The following WDR33 variants were observed in gnomAD, a reference collection of about 807,000 sequenced individuals.
WDR33 encodes pre-mRNA 3' end processing protein WDR33.
Under a neutral mutation model 164.9 loss-of-function variants are expected in WDR33, and 47 were observed. That is an observed-to-expected ratio of 0.29 (90% CI 0.23 to 0.36). The LOEUF (loss-of-function observed/expected upper bound fraction) is 0.36, where lower values mean the gene tolerates loss of function less well. Among genes scored for constraint, WDR33 ranks in the 10% least tolerant of loss-of-function variants. The pLI is 1.00. For synonymous variants in WDR33, 505 were observed against 589.0 expected (o/e 0.86, Z 2.06); for missense variants, 1,137 against 1,754.1 (o/e 0.65, Z 6.28).
At chr2:127,754,291 A>C (rs140082375) in intron 7 of WDR33, among the ~76,000 whole-genome samples, 2 of 152,320 alleles carry the variant, frequency 1.3e-5, no homozygotes, top group Non-Finnish European at 2.9e-5. Flanking sequence ...CGTTAATATT[A>C]TCAAATCCGA....
chr2:127,793,435 A>G (rs918581051), intron 1 of WDR33, among the ~76,000 whole-genome samples: 9 of 150,364 alleles, frequency 6.0e-5, no homozygotes, highest in Non-Finnish European at 1.3e-4. Context: ...TGTCTCAAGG[A>G]AAAAAAACAA....
intron 7 of WDR33, among the ~76,000 whole-genome samples, chr2:127,743,656 G>A (rs1687089325): frequency 6.6e-6 from 1 of 152,170 alleles, no homozygotes; most frequent in Non-Finnish European, 1.5e-5. Context: ...CACATTGAGA[G>A]GCACAGATTT....
rs1002164789 is a variant in WDR33 at position 127,714,435 on chromosome 2, G to A, written c.2870-414C>T. The stretch of plus-strand genomic sequence containing the variant: ...AAATTAATGCTGCAGGCCAGGAAGC[G>A]TGCCAAGAATTCACCTCTGTACCCA... On this transcript the variant is annotated intron_variant, in intron 17 of 21. Coordinates refer to ENST00000322313, the MANE Select transcript of WDR33 (RefSeq NM_018383.5). The surrounding 1 kb of genome is among the most constrained non-coding windows in gnomAD (Gnocchi z 4.3). 6.6e-6 allele frequency among the ~76,000 whole-genome samples: 1 copy of A among 152,186 alleles called. No homozygotes were observed. The highest frequency in any genetic ancestry group is 1.5e-5 in the Non-Finnish European group (1 of 68,032).
At position 127,750,677 on chromosome 2, in the gene WDR33, AATATAT is replaced by A. The variant is rs1161071581; in HGVS notation, c.724+12379_724+12384del. Among the ~76,000 whole-genome samples, 198 of 35,720 alleles carry A rather than the reference AATATAT, an allele frequency of 5.5e-3. 2 individuals are homozygous for A. The highest frequency in any genetic ancestry group is 0.017 in the African/African-American group (110 of 6,570). The allele number at this position is 35,720 out of a possible 152,430, so 23.4% of individuals were successfully genotyped here. A position where few individuals can be genotyped will look rare whatever the true frequency, so the allele number is the denominator to read the frequency against. On this transcript the variant is annotated intron_variant, in intron 7 of 21. Transcript: ENST00000322313. The stretch of plus-strand genomic sequence containing the variant: ...AAAAAAAAAAAAAAAAAAAAAAAAA[AATATAT>A]ATATATATATATATATATATATATA...
At chr2:127,759,909 T>C (rs997691448) in intron 7 of WDR33, among the ~76,000 whole-genome samples, 3 of 152,036 alleles carry the variant, frequency 2.0e-5, no homozygotes, top group Non-Finnish European at 4.4e-5. Context: ...TTAAGAAGTA[T>C]AGTATCATGA....
intron 1 of WDR33, among the ~76,000 whole-genome samples, chr2:127,771,294 C>G (rs1687993773): frequency 6.6e-6 from 1 of 152,202 alleles, no homozygotes; most frequent in African/African-American, 2.4e-5. Context: ...GCCTAATGCT[C>G]TTAGGTTACA....
intron 7 of WDR33, chr2:127,737,205 C>G: frequency 1.0e-6 from 1 of 985,388 alleles, no homozygotes; most frequent in Non-Finnish European, 1.2e-6. Flanking sequence ...TTTTCAACCT[C>G]AATTCTGTTG....
At chr2:127,711,780 A>ATATATTTTTTTTTTTTTTTTTTTTTTTTT in intron 18 of WDR33, among the ~76,000 whole-genome samples, 1 of 88,320 alleles carries the variant, frequency 1.1e-5, no homozygotes, top group African/African-American at 6.5e-5. Context: ...ATATATATAT[A>ATATATTTTTTTTTTTTTTTTTTTTTTTTT]TTTTTTTTTT....
chr2:127,765,168 C>T lies in WDR33; in HGVS notation c.474+6G>A. Reference sequence around the variant, plus strand: ...GATGATGATACCATCTGGTGATTATCATTACCTGTAATATTGTTTCAAAAT... The same window carrying T: ...GATGATGATACCATCTGGTGATTATTATTACCTGTAATATTGTTTCAAAAT... On this transcript the variant is annotated splice_donor_region_variant and intron_variant, in intron 5 of 21. Coordinates refer to ENST00000322313, the MANE Select transcript of WDR33 (RefSeq NM_018383.5). The T allele has an allele frequency of 1.2e-6, 2 of 1,610,188 alleles. No individual in the cohort carries two copies. The highest frequency in any genetic ancestry group is 2.2e-5 in the South Asian group (2 of 90,782).
chr2:127,785,671 T>C (rs1200675320), intron 1 of WDR33, among the ~76,000 whole-genome samples: 1 of 152,212 alleles, frequency 6.6e-6, no homozygotes. Context: ...TTTTTACTAC[T>C]ATTACTTTTC....
chr2:127,790,598 A>G (rs1468971861), intron 1 of WDR33, among the ~76,000 whole-genome samples: 4 of 152,172 alleles, frequency 2.6e-5, no homozygotes, highest in Non-Finnish European at 5.9e-5. Context: ...CAATTCATTT[A>G]ACTATGAATT....
In WDR33 at chr2:127,709,618, G is replaced by A. The variant is rs747441897; in HGVS notation, c.3473-36C>T. The A allele has an allele frequency of 1.2e-6, 2 of 1,612,530 alleles. No homozygotes were observed. The highest frequency in any genetic ancestry group is 2.2e-5 in the East Asian group (1 of 44,830). ...GAGCAAACAATGCTGCACTCAGACTGTTCCTGGTGTATTCACAACCAGTGT... is the reference window on the plus strand; with the variant it reads ...GAGCAAACAATGCTGCACTCAGACTATTCCTGGTGTATTCACAACCAGTGT... On this transcript the variant is annotated intron_variant, in intron 19 of 21. Transcript: ENST00000322313. This position sits in a 1 kb window ranked among gnomAD's most constrained non-coding sequence, Gnocchi z 5.0.
chr2:127,768,005 T>C (rs2105440320), intron 4 of WDR33, among the ~76,000 whole-genome samples, 184 bp downstream of exon 4: 1 of 152,358 alleles, frequency 6.6e-6, no homozygotes, highest in Admixed American at 6.5e-5. Flanking sequence ...AAAAGTGGTA[T>C]CTCACTCAAT....
chr2:127,774,177 G>A (rs759113503), intron 1 of WDR33, among the ~76,000 whole-genome samples: 14 of 150,340 alleles, frequency 9.3e-5, no homozygotes, highest in Admixed American at 2.7e-4. Flanking sequence ...TCAGCCTCCC[G>A]AGTAGGTGGG....
chr2:127,788,426 AC>A (rs1200474118), intron 1 of WDR33, among the ~76,000 whole-genome samples: 31 of 94,292 alleles, frequency 3.3e-4, no homozygotes, highest in African/African-American at 9.6e-4. Flanking sequence ...CGGAGGGCTG[AC>A]CCCCCCCACC....
At chr2:127,780,756 G>T (rs1201748051) in intron 1 of WDR33, among the ~76,000 whole-genome samples, 1 of 152,294 alleles carries the variant, frequency 6.6e-6, no homozygotes, top group Middle Eastern at 3.4e-3. Flanking sequence ...AGGATCCCTT[G>T]AGCCCAGGAG....
Position 127,701,677 on chromosome 2 carries a change from G to A in WDR33, c.*4646C>T. The A allele has an allele frequency of 7.7e-7, 1 of 1,300,982 alleles. No homozygotes were observed. Among genetic ancestry groups the A allele is most frequent in the Non-Finnish European group, 9.7e-7 (1 of 1,030,228 alleles). 80.6% of individuals were successfully genotyped at this position (1,300,982 alleles called of 1,614,324 possible). On this transcript the variant is annotated 3_prime_UTR_variant, in exon 22 of 22. Transcript: ENST00000322313. Reference sequence around the variant, plus strand: ...GAGTGGCTGGGCCGCGCGGGCTTGCGCTGGACGTGGGCGCGGAGCCCTGCG... The same window carrying A: ...GAGTGGCTGGGCCGCGCGGGCTTGCACTGGACGTGGGCGCGGAGCCCTGCG...
intron 7 of WDR33, among the ~76,000 whole-genome samples, chr2:127,761,749 A>C (rs557528315): frequency 6.6e-6 from 1 of 152,178 alleles, no homozygotes; most frequent in Non-Finnish European, 1.5e-5. Context: ...AAAATAACTC[A>C]GACATGATCA....
At chr2:127,711,766 A>ATTTTTTTTTT (rs1309830917) in intron 18 of WDR33, among the ~76,000 whole-genome samples, 5 of 72,622 alleles carry the variant, frequency 6.9e-5, no homozygotes, top group African/African-American at 3.8e-4. Flanking sequence ...ATATATATAT[A>ATTTTTTTTTT]TATATATATA....
Sources: gnomAD v4.1 joint callset for allele counts (sites outside exome capture counted in the v4.1 genomes callset) on GRCh38, gnomAD v4.1.1 for gene constraint, Gnocchi (gnomAD v3.1) non-coding constraint, MANE v1.5 for transcripts, NCBI Gene and HGNC (gene_info 2026-07-23, HGNC 2026-07-21) for gene names.